The following ACYP2 variants were observed in gnomAD, a reference collection of about 807,000 sequenced individuals.
ACYP2 encodes the protein acylphosphatase-2.
A neutral mutation model predicts 11.2 loss-of-function variants in ACYP2; 12 were observed. That is an observed-to-expected ratio of 1.08 (90% CI 0.69 to 1.74). ACYP2 has a LOEUF of 1.74. ACYP2 is among the 40% of genes most tolerant of loss of function. ACYP2 has a pLI of 0.00. For synonymous variants in ACYP2, 43 were observed against 32.2 expected (o/e 1.33, Z -1.13); for missense variants, 134 against 101.9 (o/e 1.31, Z -1.35).
chr2:53,982,828 CTGTG>C (rs3066946), intron 2 of ACYP2, among the ~76,000 whole-genome samples: 4,290 of 140,532 alleles, frequency 0.031, 66 homozygotes, highest in Middle Eastern at 0.057. Context: ...TCACACAAGA[CTGTG>C]TGTGTGTGTG....
intron 6 of ACYP2, among the ~76,000 whole-genome samples, chr2:54,239,274 AG>A (rs1171882317): frequency 6.6e-6 from 1 of 152,140 alleles, no homozygotes; most frequent in Non-Finnish European, 1.5e-5. Context: ...AATGTCTCAA[AG>A]GGATCCTGCC....
intron 6 of ACYP2, among the ~76,000 whole-genome samples, chr2:54,284,940 T>A (rs1341246171): frequency 6.6e-6 from 1 of 152,208 alleles, no homozygotes; most frequent in Non-Finnish European, 1.5e-5. Context: ...GCATCTTCGT[T>A]TCTTCAGGCT....
intron 6 of ACYP2, among the ~76,000 whole-genome samples, chr2:54,241,673 G>C (rs557108506): frequency 7.2e-5 from 11 of 152,286 alleles, no homozygotes; most frequent in African/African-American, 2.6e-4. Flanking sequence ...TGTTTCACTT[G>C]TATCAGATTT....
chr2:54,205,622 C>T (rs1361388740), intron 6 of ACYP2, among the ~76,000 whole-genome samples: 1 of 152,182 alleles, frequency 6.6e-6, no homozygotes, highest in African/African-American at 2.4e-5. Context: ...AAAGACCCAT[C>T]TCTTCAAAAT....
chr2:54,135,383 TAA>T (rs1245727558), intron 4 of ACYP2, 68 bp from the exon 2 acceptor site: 13 of 1,475,028 alleles, frequency 8.8e-6, no homozygotes, highest in Admixed American at 1.9e-5. Flanking sequence ...AGATAAAAGT[TAA>T]GTCAGGAAAC....
intron 2 of ACYP2, among the ~76,000 whole-genome samples, chr2:53,975,745 T>C (rs758969085): frequency 5.3e-5 from 8 of 152,018 alleles, no homozygotes; most frequent in African/African-American, 7.2e-5. Context: ...GGCAGGAGAA[T>C]CGCTTAAACC....
chr2:54,003,873 G>A (rs929761194), intron 2 of ACYP2, among the ~76,000 whole-genome samples: 2 of 152,176 alleles, frequency 1.3e-5, no homozygotes, highest in Non-Finnish European at 1.5e-5. Flanking sequence ...GAGAGTTTCT[G>A]TTGATCTAGC....
chr2:54,290,935 C>G (rs1689278967), intron 6 of ACYP2, among the ~76,000 whole-genome samples: 1 of 152,140 alleles, frequency 6.6e-6, no homozygotes, highest in Non-Finnish European at 1.5e-5. Context: ...GGCAGGCTTG[C>G]CTTGCCAAGA....
intron 6 of ACYP2, among the ~76,000 whole-genome samples, chr2:54,157,051 G>A (rs62138028): frequency 0.023 from 3,477 of 151,916 alleles, 51 homozygotes; most frequent in Non-Finnish European, 0.035. Context: ...TAGTTTACCA[G>A]TACAAAATAA....
chr2:54,150,273 C>T (rs747528414), intron 6 of ACYP2, among the ~76,000 whole-genome samples: 2 of 152,202 alleles, frequency 1.3e-5, no homozygotes, highest in Non-Finnish European at 2.9e-5. Context: ...TATTTACCAT[C>T]TGGCCTTCTA....
intron 6 of ACYP2, among the ~76,000 whole-genome samples, chr2:54,213,908 C>A (rs1685443578): frequency 6.6e-6 from 1 of 152,102 alleles, no homozygotes; most frequent in Admixed American, 6.6e-5. Context: ...GCTAAGACCA[C>A]AGGGGCATGC....
intron 4 of ACYP2, among the ~76,000 whole-genome samples, chr2:54,078,842 C>A (rs1019610971): frequency 1.3e-5 from 2 of 152,148 alleles, no homozygotes; most frequent in Non-Finnish European, 2.9e-5. Context: ...AAGTGATCCA[C>A]CCTCCTCAGC....
At chr2:54,063,448 C>A (rs747872515) in intron 4 of ACYP2, among the ~76,000 whole-genome samples, 28 of 152,194 alleles carry the variant, frequency 1.8e-4, no homozygotes, top group Non-Finnish European at 3.4e-4. Flanking sequence ...CAGGAGGCGG[C>A]CTCTGTGGTC....
intron 6 of ACYP2, among the ~76,000 whole-genome samples, chr2:54,233,614 TTTC>T (rs1686340109): frequency 6.6e-6 from 1 of 152,018 alleles, no homozygotes; most frequent in Admixed American, 6.6e-5. Context: ...CCCCAAACAT[TTTC>T]TTATCCCTCC....
At chr2:54,145,634 A>C (rs908760134) in intron 6 of ACYP2, among the ~76,000 whole-genome samples, 5 of 152,138 alleles carry the variant, frequency 3.3e-5, no homozygotes, top group African/African-American at 1.2e-4. Flanking sequence ...TCATTGTTAG[A>C]GTATTTAAAG....
At chr2:54,256,073 G>A (rs565597661) in intron 6 of ACYP2, 9 of 1,614,108 alleles carry the variant, frequency 5.6e-6, no homozygotes, top group Admixed American at 3.3e-5. Context: ...CTCTTTTCTC[G>A]GGACCTCTGG....
chr2:54,005,812 C>A (rs1435379777), intron 2 of ACYP2, among the ~76,000 whole-genome samples: 2 of 152,152 alleles, frequency 1.3e-5, no homozygotes, highest in African/African-American at 4.8e-5. Context: ...TATCCTAGGT[C>A]TTTTGCCTTT....
At chr2:54,179,856 T>G (rs1320019729) in intron 6 of ACYP2, among the ~76,000 whole-genome samples, 1 of 152,158 alleles carries the variant, frequency 6.6e-6, no homozygotes, top group East Asian at 1.9e-4. Flanking sequence ...TTTTGAGGCT[T>G]ATTTTACCCA....
intron 6 of ACYP2, among the ~76,000 whole-genome samples, chr2:54,229,573 T>C (rs1002275872): frequency 1.3e-5 from 2 of 152,170 alleles, no homozygotes; most frequent in Non-Finnish European, 2.9e-5. Flanking sequence ...GGAGAGTAGT[T>C]TGAATAGTTT....
Sources: gnomAD v4.1 joint callset for allele counts (sites outside exome capture counted in the v4.1 genomes callset) on GRCh38, gnomAD v4.1.1 for gene constraint, MANE v1.5 for transcripts, NCBI Gene and HGNC (gene_info 2026-07-23, HGNC 2026-07-21) for gene names.